Variants in KIAA0930 observed in about 807,000 individuals in gnomAD.
KIAA0930 encodes the protein uncharacterized protein KIAA0930.
A neutral mutation model predicts 43.9 loss-of-function variants in KIAA0930; 24 were observed. That is an observed-to-expected ratio of 0.55 (90% CI 0.40 to 0.77). The LOEUF is 0.77. KIAA0930 is among the 30% of genes least tolerant of loss of function. The pLI, the probability that KIAA0930 is intolerant of heterozygous loss-of-function variation, is 0.00. For missense variants in KIAA0930, 461 were observed against 574.2 expected (o/e 0.80, Z 2.02); for synonymous variants, 259 against 216.4 (o/e 1.20, Z -1.73).
rs1425404196 is a variant in KIAA0930, at chr22:45,205,929, A to C, written c.217-17T>G. The C allele has an allele frequency of 3.1e-6, 5 of 1,611,480 alleles. No individual in the cohort carries two copies. In the African/African-American group the frequency reaches 5.3e-5, roughly 17 times the overall value. On this transcript the variant is annotated splice_polypyrimidine_tract_variant and intron_variant, in intron 2 of 9. Transcript: ENST00000336156. ...CTCAGCTGCCTGCGAGGCCCAGAGC[A>C]GAAGTGAGTGCCCAGGGCCCACTGT...
rs557804067 is a variant in KIAA0930, at chr22:45,194,634, T to C, written c.*2542A>G. 1.1e-4 allele frequency: 16 copies of C among 152,354 alleles called. No homozygotes were observed. Among genetic ancestry groups the C allele is most frequent in the African/African-American group, 3.8e-4 (16 of 41,582 alleles). The allele number at this position is 152,354 out of a possible 1,614,324, so 9.4% of individuals were successfully genotyped here. A position where few individuals can be genotyped will look rare whatever the true frequency, so the allele number is the denominator to read the frequency against. On this transcript the variant is annotated 3_prime_UTR_variant, in exon 10 of 10. Coordinates refer to ENST00000336156, the MANE Select transcript of KIAA0930 (RefSeq NM_001009880.2). Reference sequence around the variant, plus strand: ...TGCCACTTGTTACTCTATTACTTTATTCCACATGTCATCTGTTACTTTGGA... The same window carrying C: ...TGCCACTTGTTACTCTATTACTTTACTCCACATGTCATCTGTTACTTTGGA...
intron 1 of KIAA0930, among the ~76,000 whole-genome samples, chr22:45,222,172 T>A (rs546143174): frequency 3.3e-5 from 5 of 152,242 alleles, no homozygotes; most frequent in African/African-American, 1.2e-4. Context: ...TCCAAAAAGA[T>A]TAAAACTTTT....
chr22:45,230,620 C>CACCCAA (rs1378142342), intron 1 of KIAA0930, among the ~76,000 whole-genome samples: 1 of 143,632 alleles, frequency 7.0e-6, no homozygotes, highest in Non-Finnish European at 1.5e-5. Context: ...CTTGCTCTGT[C>CACCCAA]ACCCAAGCTA....
intron 9 of KIAA0930, among the ~76,000 whole-genome samples, chr22:45,197,567 C>A (rs2083548488): frequency 6.6e-6 from 1 of 152,294 alleles, no homozygotes; most frequent in African/African-American, 2.4e-5. Context: ...CAAGAGGGGA[C>A]AGCAGGTGCG....
intron 1 of KIAA0930, among the ~76,000 whole-genome samples, chr22:45,228,773 A>AC (rs1491236024): frequency 4.2e-5 from 1 of 23,642 alleles, no homozygotes; most frequent in Non-Finnish European, 7.6e-5. Context: ...ATCCCTCCCC[A>AC]TCCCCCCCAA....
chr22:45,209,582 G>A lies in KIAA0930; in HGVS notation c.216+2374C>T, dbSNP rs2004307. 4.5e-3 allele frequency among the ~76,000 whole-genome samples: 685 copies of A among 152,114 alleles called. 2 individuals are homozygous for A. Among genetic ancestry groups the A allele is most frequent in the African/African-American group, 0.014 (601 of 41,478 alleles). Reference sequence around the variant, plus strand: ...GCCCGCTCTCTCTGTCCTACAACCCGCCCGCCAGATGTCACCTTCTGCACT... The same window carrying A: ...GCCCGCTCTCTCTGTCCTACAACCCACCCGCCAGATGTCACCTTCTGCACT... On this transcript the variant is annotated intron_variant, in intron 2 of 9. Coordinates refer to ENST00000336156, the MANE Select transcript of KIAA0930 (RefSeq NM_001009880.2).
Position 45,240,657 on chromosome 22 carries a change from C to A in KIAA0930, c.47G>T (p.Arg16Leu), listed in dbSNP as rs2083911275. The A allele has an allele frequency of 2.0e-6, 3 of 1,526,430 alleles. No homozygotes were observed. The highest frequency in any genetic ancestry group is 5.0e-5 in the East Asian group (2 of 40,038). 94.6% of individuals were successfully genotyped at this position (1,526,430 alleles called of 1,614,324 possible). ...CCACTCACCGAGGCCGCAGACCTCG[C>A]GGCGCAGGCTAAGACGGCCGCGCTC... ...AEERGRLSLR[R>L]EVCGLGCFKD... The change falls in exon 1 of 10, where the codon CGC becomes CTC. Residue 16 changes from arginine (R) to leucine (L), a missense_variant. Physicochemically the swap from Arg to Leu is moderately radical, Grantham distance 102. Transcript: ENST00000336156.
chr22:45,200,975 G>A (rs1468862499), intron 7 of KIAA0930: 4 of 524,980 alleles, frequency 7.6e-6, no homozygotes, highest in Middle Eastern at 3.2e-4. Context: ...GGGGGGGAAG[G>A]GCGTTCCAGC....
At chr22:45,230,280 C>G (rs181925482) in intron 1 of KIAA0930, among the ~76,000 whole-genome samples, 30 of 152,246 alleles carry the variant, frequency 2.0e-4, no homozygotes, top group African/African-American at 7.2e-4. Context: ...TGGAGGCACC[C>G]GAGACACATA....
chr22:45,217,034 T>C (rs2083737298), intron 1 of KIAA0930, among the ~76,000 whole-genome samples: 1 of 152,226 alleles, frequency 6.6e-6, no homozygotes. Context: ...GATCAATTCA[T>C]AACCTTACTT....
chr22:45,211,767 C>T (rs2083695739), intron 2 of KIAA0930, among the ~76,000 whole-genome samples, 189 bp downstream of exon 2: 1 of 152,212 alleles, frequency 6.6e-6, no homozygotes, highest in African/African-American at 2.4e-5. Context: ...TGTACAGACA[C>T]CCAGCACATC....
chr22:45,234,968 C>T lies in KIAA0930; in HGVS notation c.64+5672G>A, dbSNP rs1021432409. Among the ~76,000 whole-genome samples, 8 of 151,664 alleles carry T rather than the reference C, an allele frequency of 5.3e-5. No individual in the cohort carries two copies. In the East Asian group the frequency reaches 1.6e-3, roughly 29 times the overall value. On this transcript the variant is annotated intron_variant, in intron 1 of 9. Transcript: ENST00000336156. Reference sequence around the variant, plus strand: ...AATTGGAACTAGGCATAATTGTTTCCTATTTTCTAGTTTCCGTAATGTGCA... The same window carrying T: ...AATTGGAACTAGGCATAATTGTTTCTTATTTTCTAGTTTCCGTAATGTGCA...
rs180853123 is a variant in KIAA0930, at chr22:45,197,043, C to T, written c.*133G>A. On this transcript the variant is annotated 3_prime_UTR_variant, in exon 10 of 10. Transcript: ENST00000336156. ...TGGAGTCGGCCCCGGCCCCGGGAGT[C>T]GAGTGGCCTCGCCTGGCTGCGGCTC... 1.4e-3 allele frequency: 1,010 copies of T among 735,722 alleles called. 2 individuals are homozygous for T. The highest frequency in any genetic ancestry group is 1.8e-3 in the Non-Finnish European group (845 of 468,870). 45.6% of individuals were successfully genotyped at this position (735,722 alleles called of 1,614,324 possible). A position where few individuals can be genotyped will look rare whatever the true frequency, so the allele number is the denominator to read the frequency against.
At chr22:45,223,184 CA>C (rs1372620635) in intron 1 of KIAA0930, among the ~76,000 whole-genome samples, 2 of 152,196 alleles carry the variant, frequency 1.3e-5, no homozygotes, top group Admixed American at 6.5e-5. Context: ...ACTTATAAGA[CA>C]TTCACAGAAC....
intron 1 of KIAA0930, among the ~76,000 whole-genome samples, chr22:45,215,941 T>C (rs979995497): frequency 4.6e-5 from 7 of 151,468 alleles, no homozygotes; most frequent in Admixed American, 3.3e-4. Flanking sequence ...GGCAGGAGAA[T>C]GGCGTGAACC....
intron 7 of KIAA0930, among the ~76,000 whole-genome samples, chr22:45,201,516 G>C (rs1000875930): frequency 1.3e-5 from 2 of 152,184 alleles, no homozygotes; most frequent in African/African-American, 4.8e-5. Flanking sequence ...CCCAGAGCTC[G>C]GGCCACATCT....
At chr22:45,199,002 C>T (rs1031888947) in intron 8 of KIAA0930, among the ~76,000 whole-genome samples, 4 of 152,142 alleles carry the variant, frequency 2.6e-5, no homozygotes, top group African/African-American at 7.2e-5. Flanking sequence ...CGGAGCCAGG[C>T]GCCCGCTGGG....
In KIAA0930 at chr22:45,205,294, G is replaced by A. The variant is rs780740674; in HGVS notation, c.439C>T (p.His147Tyr). 6.2e-6 allele frequency: 10 copies of A among 1,613,974 alleles called. No homozygotes were observed. The highest frequency in any genetic ancestry group is 1.7e-4 in the Middle Eastern group (1 of 6,058). ...SQQVFASPSK[H>Y]PMDSKGEESK... ...TCCTCCCCCTTGCTGTCCATGGGGTGTTTACTGGGGGACGCGAACACTTGC... is the reference window on the plus strand; with the variant it reads ...TCCTCCCCCTTGCTGTCCATGGGGTATTTACTGGGGGACGCGAACACTTGC... The change falls in exon 5 of 10, where the codon CAC (histidine) becomes TAC (tyrosine). Residue 147 changes from histidine (H) to tyrosine (Y), a missense_variant. Physicochemically the swap from His to Tyr is moderately conservative, Grantham distance 83. Coordinates refer to ENST00000336156, the MANE Select transcript of KIAA0930 (RefSeq NM_001009880.2).
chr22:45,232,709 AGG>A (rs1213932754), intron 1 of KIAA0930, among the ~76,000 whole-genome samples: 31 of 152,300 alleles, frequency 2.0e-4, no homozygotes, highest in Admixed American at 1.7e-3. Flanking sequence ...AGAGCTCATC[AGG>A]CACAGGAAGC....
Sources: gnomAD v4.1 joint callset for allele counts (sites outside exome capture counted in the v4.1 genomes callset) on GRCh38, gnomAD v4.1.1 for gene constraint, MANE v1.5 for transcripts, NCBI Gene and HGNC (gene_info 2026-07-23, HGNC 2026-07-21) for gene names.